The following NXN variants were observed in gnomAD, a reference collection of about 807,000 sequenced individuals.
NXN encodes the protein nucleoredoxin, also known as nucleoredoxin 1.
A neutral mutation model predicts 48.6 loss-of-function variants in NXN; 16 were observed. The ratio of observed to expected loss-of-function variants is 0.33; its 90% CI spans 0.22 to 0.50. NXN has a LOEUF of 0.50. Ranked by LOEUF, NXN falls within the 20% of genes least tolerant of loss-of-function variation. The pLI, the probability that NXN is intolerant of heterozygous loss-of-function variation, is 0.98. For missense variants in NXN, 492 were observed against 605.5 expected, an observed-to-expected ratio of 0.81 and a Z score of 1.97; for synonymous variants, 281 against 269.6, an observed-to-expected ratio of 1.04 and a Z score of -0.41.
chr17:891,020 GGTCT>G (rs10581940), intron 1 of NXN, among the ~76,000 whole-genome samples: 116,917 of 151,160 alleles, frequency 0.77, 46,194 homozygotes, highest in Middle Eastern at 0.88. Context: ...TCTATCTATC[GGTCT>G]GTCTGTCTGT....
intron 1 of NXN, among the ~76,000 whole-genome samples, chr17:926,558 T>G (rs1007870290): frequency 9.9e-5 from 15 of 151,262 alleles, no homozygotes; most frequent in South Asian, 4.2e-4. Flanking sequence ...TTTTTGTTTT[T>G]TTTTTGAGAC....
intron 1 of NXN, among the ~76,000 whole-genome samples, chr17:970,554 CCT>C (rs554382994): frequency 7.9e-5 from 12 of 152,360 alleles, no homozygotes; most frequent in Admixed American, 2.6e-4. Flanking sequence ...CGTTCAACTA[CCT>C]CTGTCTTATC....
At position 917,175 on chromosome 17, in the gene NXN, T is replaced by C. The variant is rs1038263270; in HGVS notation, c.360+62144A>G. ...TGAGCTCACATCTTTTTTTTTTTTT[T>C]CTGTAGCCCAGGCTGGAGTGCAATG... On this transcript the variant is annotated intron_variant, in intron 1 of 7. Coordinates refer to ENST00000336868, the MANE Select transcript of NXN (RefSeq NM_022463.5). The surrounding 1 kb of genome is among the most constrained non-coding windows in gnomAD (Gnocchi z 4.5). 1.3e-5 allele frequency among the ~76,000 whole-genome samples: 2 copies of C among 151,956 alleles called. No individual in the cohort carries two copies. The highest frequency in any genetic ancestry group is 2.4e-5 in the African/African-American group (1 of 41,374).
intron 1 of NXN, among the ~76,000 whole-genome samples, chr17:859,940 C>G (rs934346243): frequency 6.6e-6 from 1 of 152,098 alleles, no homozygotes; most frequent in African/African-American, 2.4e-5. Context: ...GAACCAGCAT[C>G]TCAGACCCTT....
chr17:858,436 C>T (rs143843317), intron 1 of NXN, among the ~76,000 whole-genome samples: 18 of 152,196 alleles, frequency 1.2e-4, no homozygotes, highest in African/African-American at 4.1e-4. Context: ...CTATAGAAAA[C>T]AGCCCTACAG....
At position 830,374 on chromosome 17, in the gene NXN, A is replaced by G. The variant is rs1913387995; in HGVS notation, c.361-4296T>C. 6.6e-6 allele frequency among the ~76,000 whole-genome samples: 1 copy of G among 152,172 alleles called. No individual in the cohort carries two copies. The highest frequency in any genetic ancestry group is 2.4e-5 in the African/African-American group (1 of 41,436). On this transcript the variant is annotated intron_variant, in intron 1 of 7. Coordinates refer to ENST00000336868, the MANE Select transcript of NXN (RefSeq NM_022463.5). The surrounding 1 kb of genome is among the most constrained non-coding windows in gnomAD (Gnocchi z 4.2). Reference sequence around the variant, plus strand: ...TTTCAGACACCGAGAAGTAACAGAAAGAAAACAGGGCGGGTAAGATCACGG... The same window carrying G: ...TTTCAGACACCGAGAAGTAACAGAAGGAAAACAGGGCGGGTAAGATCACGG...
chr17:875,646 C>T (rs780409208), intron 1 of NXN, among the ~76,000 whole-genome samples: 9 of 151,740 alleles, frequency 5.9e-5, no homozygotes, highest in East Asian at 1.9e-4. Context: ...GGCTGGAGTA[C>T]GGTGGTGCAA....
At chr17:929,128 T>C (rs1397790372) in intron 1 of NXN, among the ~76,000 whole-genome samples, 6 of 152,138 alleles carry the variant, frequency 3.9e-5, no homozygotes, top group Non-Finnish European at 7.3e-5. Flanking sequence ...AAAACCCAGT[T>C]TGTTAGCTTG....
intron 1 of NXN, among the ~76,000 whole-genome samples, chr17:873,874 T>G (rs377524224): frequency 1.3e-5 from 2 of 152,170 alleles, no homozygotes; most frequent in South Asian, 4.1e-4. Context: ...ACACACGGGT[T>G]CTGGTGAGGA....
intron 1 of NXN, among the ~76,000 whole-genome samples, chr17:968,798 G>A (rs574688594): frequency 2.0e-5 from 3 of 151,962 alleles, no homozygotes; most frequent in Admixed American, 1.3e-4. Context: ...TGAGCCAGGC[G>A]TGGTGGCGGG....
At chr17:810,804 G>C (rs1393950723) in intron 5 of NXN, among the ~76,000 whole-genome samples, 2 of 152,116 alleles carry the variant, frequency 1.3e-5, no homozygotes, top group Non-Finnish European at 2.9e-5. Flanking sequence ...CAGGAGAATC[G>C]CTTGAACGCG....
intron 1 of NXN, among the ~76,000 whole-genome samples, chr17:869,455 T>A (rs2068128394): frequency 6.6e-6 from 1 of 152,172 alleles, no homozygotes; most frequent in African/African-American, 2.4e-5. Context: ...CTACACAGAT[T>A]ACGAGGTGGA....
At chr17:810,014 T>G (rs866346452) in intron 5 of NXN, among the ~76,000 whole-genome samples, 1 of 134,522 alleles carries the variant, frequency 7.4e-6, no homozygotes, top group Non-Finnish European at 1.6e-5. Flanking sequence ...AGTCTGTGAG[T>G]GGCGTGCACG....
chr17:941,732 T>C (rs1317891092), intron 1 of NXN, among the ~76,000 whole-genome samples: 1 of 27,776 alleles, frequency 3.6e-5, no homozygotes, highest in East Asian at 8.0e-4. Flanking sequence ...CAGCCATGAA[T>C]TCACCAAACA....
At chr17:831,478 T>TTTA (rs1555611696) in intron 1 of NXN, among the ~76,000 whole-genome samples, 2,422 of 100,558 alleles carry the variant, frequency 0.024, 78 homozygotes, top group African/African-American at 0.081. Flanking sequence ...TATTTATTTA[T>TTTA]TTATTATTTT....
chr17:833,683 T>C (rs1455772262), intron 1 of NXN, among the ~76,000 whole-genome samples: 4 of 152,146 alleles, frequency 2.6e-5, no homozygotes, highest in Non-Finnish European at 5.9e-5. Context: ...CTGAAGCCTG[T>C]TAGCGGAAAC....
intron 1 of NXN, among the ~76,000 whole-genome samples, chr17:874,464 A>G (rs1208594582): frequency 1.3e-5 from 2 of 152,212 alleles, no homozygotes; most frequent in Admixed American, 1.3e-4. Context: ...GGCACCTGTC[A>G]TCCCAGCTAC....
chr17:954,524 C>CTTTTTGT (rs1181848049), intron 1 of NXN, among the ~76,000 whole-genome samples: 1 of 152,216 alleles, frequency 6.6e-6, no homozygotes, highest in African/African-American at 2.4e-5. Flanking sequence ...CCTGCACCAA[C>CTTTTTGT]TTTTTGTTTT....
intron 4 of NXN, among the ~76,000 whole-genome samples, chr17:819,908 G>T (rs529645325): frequency 2.6e-5 from 4 of 152,146 alleles, no homozygotes; most frequent in Non-Finnish European, 5.9e-5. Flanking sequence ...ATTTGTGCAC[G>T]GAACAGTGAC....
Sources: allele counts gnomAD v4.1 joint callset (sites outside exome capture counted in the v4.1 genomes callset), GRCh38; gene constraint gnomAD v4.1.1; non-coding constraint Gnocchi (gnomAD v3.1); transcripts MANE v1.5; gene names NCBI Gene and HGNC (gene_info 2026-07-23, HGNC 2026-07-21).